Variants in RNF168 observed in about 807,000 individuals in gnomAD.
The protein encoded by RNF168 is E3 ubiquitin-protein ligase RNF168.
Under a neutral mutation model 34.9 loss-of-function variants are expected in RNF168, and 34 were observed. That is an observed-to-expected ratio of 0.97 (90% CI 0.74 to 1.30). The LOEUF (loss-of-function observed/expected upper bound fraction) is 1.30. Among genes scored for constraint, RNF168 ranks in the 50% most tolerant of loss-of-function variants. The pLI, the probability that RNF168 is intolerant of heterozygous loss-of-function variation, is 0.00. For missense variants in RNF168, 725 were observed against 682.5 expected, an observed-to-expected ratio of 1.06 and a Z score of -0.69; for synonymous variants, 264 against 254.7, an observed-to-expected ratio of 1.04 and a Z score of -0.35.
rs201284959 is a variant in RNF168, at chr3:196,487,556, C to G, written c.401G>C (p.Ser134Thr). The G allele has an allele frequency of 1.2e-5, 19 of 1,614,172 alleles. No individual in the cohort carries two copies. The highest frequency in any genetic ancestry group is 1.5e-5 in the Non-Finnish European group (18 of 1,180,036). Residue 134 changes from serine to threonine, a missense_variant, in exon 3 of 6, where the codon AGC becomes ACC. By Grantham distance (58) the Ser-to-Thr change is moderately conservative (BLOSUM62 1). Transcript: ENST00000318037. The part of the protein sequence containing the change: ...ISKVAAERRA[S>T]EEEENKASEE... The stretch of plus-strand genomic sequence containing the variant: ...ACTGGCTTTGTTTTCTTCTTCCTCG[C>G]TGGCCCGTCGCTCTGCCGCCACCTT...
At chr3:196,484,545 A>C (rs951809804) in intron 3 of RNF168, among the ~76,000 whole-genome samples, 1 of 144,176 alleles carries the variant, frequency 6.9e-6, no homozygotes, top group East Asian at 2.0e-4. Context: ...GCAGTGTAGC[A>C]ATCATGGCTC....
intron 1 of RNF168, among the ~76,000 whole-genome samples, chr3:196,494,599 G>C (rs999264652): frequency 6.6e-6 from 1 of 152,144 alleles, no homozygotes; most frequent in Non-Finnish European, 1.5e-5. Flanking sequence ...GCATTCCTGG[G>C]CTGGGCACAG....
At position 196,471,959 on chromosome 3, in the gene RNF168, G is replaced by T. The variant is rs753970355; in HGVS notation, c.1576C>A (p.Gln526Lys). The stretch of plus-strand genomic sequence containing the variant: ...CTTCTATTAACTGACTGCTTCAACT[G>T]CATCTTTAAAGACACTTGCCTATTT... Reference protein sequence around the residue: ...DKNRQVSLKMQLKQSVNRRKM... With the variant: ...DKNRQVSLKMKLKQSVNRRKM... Residue 526 changes from glutamine (Q) to lysine (K), a missense_variant, in exon 6 of 6, where the codon CAG becomes AAG. By Grantham distance (53) the Gln-to-Lys change is moderately conservative (BLOSUM62 1). Coordinates refer to ENST00000318037, the MANE Select transcript of RNF168 (RefSeq NM_152617.4). 6 of 1,613,892 alleles carry T rather than the reference G, an allele frequency of 3.7e-6. No homozygotes were observed. The South Asian group carries it at 4.4e-5, about 12-fold the overall frequency.
At position 196,471,900 on chromosome 3, in the gene RNF168, C is replaced by G. The variant is rs1417957355; in HGVS notation, c.1635G>C (p.Lys545Asn). The G allele has an allele frequency of 6.2e-7, 1 of 1,613,906 alleles. No individual in the cohort carries two copies. Among genetic ancestry groups the G allele is most frequent in the African/African-American group, 1.3e-5 (1 of 74,898 alleles). ...GTAGGGAGTGAGCACTTTTGGATAC[C>G]TTACAGTGATCTCTAGTAGAATTTG... The part of the protein sequence containing the change: ...KMPNSTRDHC[K>N]VSKSAHSLQP... The change falls in exon 6 of 6, where the codon AAG becomes AAC. Residue 545 changes from lysine (K) to asparagine (N), a missense_variant. Transcript: ENST00000318037.
At chr3:196,489,960 T>C (rs1732554851) in intron 1 of RNF168, among the ~76,000 whole-genome samples, 1 of 152,196 alleles carries the variant, frequency 6.6e-6, no homozygotes, top group Non-Finnish European at 1.5e-5. Context: ...GCTAATGTAA[T>C]AGGTGGTGAC....
Position 196,471,527 on chromosome 3 carries a change from A to C in RNF168, c.*292T>G. 1 of 357,316 alleles carries C rather than the reference A, an allele frequency of 2.8e-6. No individual in the cohort carries two copies. Among genetic ancestry groups the C allele is most frequent in the East Asian group, 5.4e-5 (1 of 18,370 alleles). 22.1% of individuals were successfully genotyped at this position (357,316 alleles called of 1,614,324 possible). A position where few individuals can be genotyped will look rare whatever the true frequency, so the allele number is the denominator to read the frequency against. On this transcript the variant is annotated 3_prime_UTR_variant, in exon 6 of 6. Coordinates refer to ENST00000318037, the MANE Select transcript of RNF168 (RefSeq NM_152617.4). ...AAAACATGCAGTTTTTGGAAAGACA[A>C]TGGCACTTGAAGATTTCCTGGAGTT...
chr3:196,472,144 GGCACCATTT>G lies in RNF168; in HGVS notation c.1382_1390del (p.Gln461_Val463del). ...ATCTGGGGATCCTTTTTGCCGGTTT[GGCACCATTT>G]GCTCTTTATCCACCTCCTTCTGAAG... is the stretch of plus-strand genomic sequence containing the variant. On this transcript the variant is annotated inframe_deletion, in exon 6 of 6. Transcript: ENST00000318037. The G allele has an allele frequency of 6.2e-7, 1 of 1,613,774 alleles. No individual in the cohort carries two copies. Among genetic ancestry groups the G allele is most frequent in the Non-Finnish European group, 8.5e-7 (1 of 1,179,928 alleles).
At position 196,472,170 on chromosome 3, in the gene RNF168, C is replaced by A. The variant is rs763022019; in HGVS notation, c.1365G>T (p.Lys455Asn). ...QDRLLALQLQ[K>N]EVDKEQMVPN... is the part of the protein sequence containing the mutation. ...GCACCATTTGCTCTTTATCCACCTCCTTCTGAAGTTGTAATGCCAATAACC... is the reference window on the plus strand; with the variant it reads ...GCACCATTTGCTCTTTATCCACCTCATTCTGAAGTTGTAATGCCAATAACC... The change falls in exon 6 of 6, where the codon AAG (lysine) becomes AAT (asparagine). Residue 455 changes from lysine (K) to asparagine (N), a missense_variant. Lys to Asn is a moderately conservative substitution (Grantham distance 94). Coordinates refer to ENST00000318037, the MANE Select transcript of RNF168 (RefSeq NM_152617.4). The A allele has an allele frequency of 6.2e-7, 1 of 1,614,120 alleles. No individual in the cohort carries two copies. The highest frequency in any genetic ancestry group is 8.5e-7 in the Non-Finnish European group (1 of 1,179,986).
Position 196,475,137 on chromosome 3 carries a change from G to A in RNF168, c.762+94C>T, listed in dbSNP as rs1425445995. On this transcript the variant is annotated intron_variant, in intron 5 of 5. Transcript: ENST00000318037. ...CAGACAGGGTGTTTGATTAACTATA[G>A]GGGCTTTTGTTAAAAGGTAGAAAAC... 11 of 775,410 alleles carry A rather than the reference G, an allele frequency of 1.4e-5. No homozygotes were observed. In the Admixed American group the frequency reaches 2.2e-4, roughly 15 times the overall value. The allele number at this position is 775,410 out of a possible 1,614,324, so 48.0% of individuals were successfully genotyped here.
rs143412205 is a variant in RNF168 at position 196,495,346 on chromosome 3, G to C, written c.302-6663C>G. 2.0e-5 allele frequency among the ~76,000 whole-genome samples: 3 copies of C among 152,252 alleles called. No homozygotes were observed. In the East Asian group the frequency reaches 5.8e-4, roughly 29 times the overall value. ...TTGATATATTACCCATCATATCAAT[G>C]ATAAAAATTTCACCAACTATCCCCA... is the stretch of plus-strand genomic sequence containing the variant. On this transcript the variant is annotated intron_variant, in intron 1 of 5. Coordinates refer to ENST00000318037, the MANE Select transcript of RNF168 (RefSeq NM_152617.4).
intron 1 of RNF168, among the ~76,000 whole-genome samples, chr3:196,501,717 T>G (rs1732891126): frequency 6.6e-6 from 1 of 152,188 alleles, no homozygotes; most frequent in South Asian, 2.1e-4. Context: ...ATATACATTT[T>G]GGACAATATT....
rs758504791 is a variant in RNF168, at chr3:196,474,124, A to ATT, written c.762+1105_762+1106dup. On this transcript the variant is annotated intron_variant, in intron 5 of 5. Coordinates refer to ENST00000318037, the MANE Select transcript of RNF168 (RefSeq NM_152617.4). ...CTAGCATACTTTTTCTCATCTTGCA[A>ATT]TTTTTTTTTTTTTTTTTTTTTGAGG... Among the ~76,000 whole-genome samples the ATT allele has an allele frequency of 6.9e-3, 863 of 124,278 alleles. 38 individuals are homozygous for ATT. Among genetic ancestry groups the ATT allele is most frequent in the African/African-American group, 0.023 (724 of 30,894 alleles). The allele number at this position is 124,278 out of a possible 152,430, so 81.5% of individuals were successfully genotyped here. A position where few individuals can be genotyped will look rare whatever the true frequency, so the allele number is the denominator to read the frequency against.
chr3:196,482,477 C>G (rs1320207492), intron 4 of RNF168, among the ~76,000 whole-genome samples: 1 of 152,138 alleles, frequency 6.6e-6, no homozygotes, highest in Non-Finnish European at 1.5e-5. Flanking sequence ...AGTGGAATTG[C>G]TGGGTCATAT....
intron 4 of RNF168, among the ~76,000 whole-genome samples, chr3:196,481,439 GAA>G (rs774430018): frequency 1.5e-5 from 2 of 137,090 alleles, no homozygotes; most frequent in African/African-American, 2.7e-5. Flanking sequence ...AGACTGTCTG[GAA>G]AAAAAAAAAA....
At position 196,484,040 on chromosome 3, in the gene RNF168, C is replaced by A. The variant is rs1375695313; in HGVS notation, c.559-149G>T. The A allele has an allele frequency of 9.0e-6, 6 of 669,138 alleles. No individual in the cohort carries two copies. The Admixed American group carries it at 1.5e-4, about 17-fold the overall frequency. 41.5% of individuals were successfully genotyped at this position (669,138 alleles called of 1,614,324 possible). ...TGTACATCTCTTGAAGAATATTGAC[C>A]ATGCAAAAATCAGAATAAACTATGT... On this transcript the variant is annotated intron_variant, in intron 3 of 5. Transcript: ENST00000318037.
Position 196,503,534 on chromosome 3 carries a change from G to C in RNF168, c.-361C>G, listed in dbSNP as rs1466983731. 8 of 341,730 alleles carry C rather than the reference G, an allele frequency of 2.3e-5. No homozygotes were observed. The highest frequency in any genetic ancestry group is 4.5e-5 in the Non-Finnish European group (8 of 176,792). 21.2% of individuals were successfully genotyped at this position (341,730 alleles called of 1,614,324 possible). A position where few individuals can be genotyped will look rare whatever the true frequency, so the allele number is the denominator to read the frequency against. On this transcript the variant is annotated 5_prime_UTR_variant, in exon 1 of 6. Coordinates refer to ENST00000318037, the MANE Select transcript of RNF168 (RefSeq NM_152617.4). ...CCAAGTCCTCTCCTCCCCTCACCCGGAAAGGATGCTCCGCTCAGCTCGGGG... is the reference window on the plus strand; with the variant it reads ...CCAAGTCCTCTCCTCCCCTCACCCGCAAAGGATGCTCCGCTCAGCTCGGGG...
At chr3:196,493,715 C>T (rs189188722) in intron 1 of RNF168, among the ~76,000 whole-genome samples, 223 of 151,948 alleles carry the variant, frequency 1.5e-3, no homozygotes, top group African/African-American at 4.2e-3. Context: ...TTAGTAGAGA[C>T]GGGGGTTTTA....
chr3:196,488,202 C>T (rs980941352), intron 2 of RNF168, among the ~76,000 whole-genome samples: 6 of 152,124 alleles, frequency 3.9e-5, no homozygotes, highest in Non-Finnish European at 7.4e-5. Flanking sequence ...CATATTTTGG[C>T]CAGGCACAGT....
At chr3:196,493,811 C>T (rs965190812) in intron 1 of RNF168, among the ~76,000 whole-genome samples, 9 of 151,558 alleles carry the variant, frequency 5.9e-5, no homozygotes, top group South Asian at 2.1e-4. Flanking sequence ...TGTGAGCCAC[C>T]GTGCCCAGCC....
Sources: gnomAD v4.1 joint callset for allele counts (sites outside exome capture counted in the v4.1 genomes callset) on GRCh38, gnomAD v4.1.1 for gene constraint, MANE v1.5 for transcripts, NCBI Gene and HGNC (gene_info 2026-07-23, HGNC 2026-07-21) for gene names.